Variants in HELZ observed in about 807,000 individuals in gnomAD.
The protein encoded by HELZ is helicase with zinc finger, also known as ATP-dependent RNA helicase with zinc finger domain.
HELZ carries 23 observed loss-of-function variants against 218.2 expected under a neutral mutation model. The ratio of observed to expected loss-of-function variants is 0.11; its 90% CI spans 0.08 to 0.15. The LOEUF is 0.15. HELZ is among the 10% of genes least tolerant of loss of function. The pLI, the probability that HELZ is intolerant of heterozygous loss-of-function variation, is 1.00. For missense variants in HELZ, 1,813 were observed against 2,353.7 expected, an observed-to-expected ratio of 0.77 and a Z score of 4.75; for synonymous variants, 814 against 829.4, an observed-to-expected ratio of 0.98 and a Z score of 0.32.
chr17:67,194,301 G>A (rs1879076327), intron 8 of HELZ, among the ~76,000 whole-genome samples: 1 of 152,202 alleles, frequency 6.6e-6, no homozygotes. Context: ...CTGGTGGACA[G>A]GTTTCCAGTG....
chr17:67,107,573 T>G lies in HELZ; in HGVS notation c.4837A>C (p.Arg1613=). The part of the protein sequence containing the change: ...RLLQYRQVQS[R]SPPAVPSPPS... ...GGAGATGGGACTGCTGGTGGGCTTC[T>G]ACTCTGTACTTGTCTATATTGCAAA... is the stretch of plus-strand genomic sequence containing the variant. Residue 1613 remains arginine (R), a synonymous_variant, in exon 31 of 33, where the codon AGA becomes CGA. Transcript: ENST00000358691. 1 of 1,614,200 alleles carries G rather than the reference T, an allele frequency of 6.2e-7. No individual in the cohort carries two copies. Among genetic ancestry groups the G allele is most frequent in the Non-Finnish European group, 8.5e-7 (1 of 1,180,038 alleles).
In HELZ at chr17:67,190,162, T is replaced by G; in HGVS notation, c.751A>C (p.Lys251Gln). ...EKWMNSLSPEKVLSECIEGVK... is the reference protein window; with the variant it reads ...EKWMNSLSPEQVLSECIEGVK... The stretch of plus-strand genomic sequence containing the variant: ...ATGTAGCTTATTTTCCTCACCACTT[T>G]CTCAGGAGACAATGAATTCATCCAC... Residue 251 changes from lysine (K) to glutamine (Q), a missense_variant, in exon 10 of 33, where the codon AAA becomes CAA. Transcript: ENST00000358691. The G allele has an allele frequency of 6.2e-7, 1 of 1,613,020 alleles. No individual in the cohort carries two copies. The highest frequency in any genetic ancestry group is 1.1e-5 in the South Asian group (1 of 91,044).
At chr17:67,224,455 A>G (rs1382623875) in intron 3 of HELZ, 1 of 237,366 alleles carries the variant, frequency 4.2e-6, no homozygotes. Context: ...TTTCCAGCTT[A>G]AGTCAGTTTA....
chr17:67,176,718 C>G (rs1158201585), intron 13 of HELZ: 1 of 152,204 alleles, frequency 6.6e-6, no homozygotes, highest in Admixed American at 6.5e-5. Context: ...CACCTGCAGT[C>G]TCAGCCACTC....
Position 67,145,834 on chromosome 17 carries a change from G to T in HELZ, c.2678C>A (p.Ala893Glu). 1 of 1,613,550 alleles carries T rather than the reference G, an allele frequency of 6.2e-7. No homozygotes were observed. Among genetic ancestry groups the T allele is most frequent in the Non-Finnish European group, 8.5e-7 (1 of 1,179,660 alleles). Residue 893 changes from alanine (A) to glutamate (E), a missense_variant, in exon 21 of 33, where the codon GCA becomes GAA. Transcript: ENST00000358691. ...GKLMASGKQP[A>E]HKDFYPLTFF... ...AGTTAGTGGGTAGAAATCTTTGTGT[G>T]CTGGCTGCTTCCCACTGGCCATCAG...
chr17:67,186,101 C>T (rs979482106), intron 12 of HELZ, among the ~76,000 whole-genome samples: 7 of 151,852 alleles, frequency 4.6e-5, no homozygotes. Context: ...CTTTTTAAGT[C>T]CTCTGCTTGC....
intron 32 of HELZ, among the ~76,000 whole-genome samples, chr17:67,085,805 C>A (rs1486622473): frequency 6.6e-6 from 1 of 152,264 alleles, no homozygotes; most frequent in South Asian, 2.1e-4. Context: ...TAATTAGTTT[C>A]TTTACATTCA....
At chr17:67,235,278 G>A (rs1253572168) in intron 3 of HELZ, among the ~76,000 whole-genome samples, 3 of 152,036 alleles carry the variant, frequency 2.0e-5, no homozygotes, top group African/African-American at 7.2e-5. Flanking sequence ...AGGCCAAGGC[G>A]GGTGGATCAC....
chr17:67,195,576 G>T, intron 7 of HELZ, 106 bp from the exon 8 acceptor site: 1 of 655,060 alleles, frequency 1.5e-6, no homozygotes, highest in Non-Finnish European at 2.8e-6. Context: ...GGAATACTCA[G>T]AAATTTTTAA....
intron 24 of HELZ, among the ~76,000 whole-genome samples, chr17:67,125,126 A>C (rs1001367377): frequency 4.6e-5 from 7 of 151,106 alleles, no homozygotes; most frequent in African/African-American, 1.5e-4. Context: ...GATCAGCAGT[A>C]AACACAGAAG....
At chr17:67,148,737 G>C (rs904172302) in intron 19 of HELZ, 23 bp from the exon 20 acceptor site, 1 of 1,586,542 alleles carries the variant, frequency 6.3e-7, no homozygotes, top group Non-Finnish European at 8.6e-7. Context: ...AACATACAGA[G>C]AAAGTTTAAC....
intron 5 of HELZ, among the ~76,000 whole-genome samples, chr17:67,208,770 C>CA (rs149789941): frequency 0.086 from 12,892 of 150,672 alleles, 1,456 homozygotes; most frequent in African/African-American, 0.26. Context: ...GAAAACAAAA[C>CA]AAAAAAACAG....
At chr17:67,119,890 T>G (rs530490180) in intron 27 of HELZ, 122 of 393,650 alleles carry the variant, frequency 3.1e-4, no homozygotes, top group African/African-American at 2.5e-3. Flanking sequence ...GGATTTAACC[T>G]AAAGGACCCT....
At chr17:67,153,191 T>A (rs907490044) in intron 17 of HELZ, among the ~76,000 whole-genome samples, 27 of 152,098 alleles carry the variant, frequency 1.8e-4, no homozygotes, top group African/African-American at 6.5e-4. Flanking sequence ...TTTTGTTTTG[T>A]TTTTTTAAAC....
chr17:67,174,944 G>A (rs887300619), intron 13 of HELZ, among the ~76,000 whole-genome samples: 5 of 152,218 alleles, frequency 3.3e-5, no homozygotes, highest in Non-Finnish European at 7.3e-5. Context: ...AAACTTCAAT[G>A]TGTTCAGAAC....
At chr17:67,113,000 A>G (rs1424501986) in intron 28 of HELZ, among the ~76,000 whole-genome samples, 30 of 152,246 alleles carry the variant, frequency 2.0e-4, no homozygotes, top group Admixed American at 2.0e-3. Context: ...TAAGAGCACA[A>G]TAGTTTTAGT....
At chr17:67,150,130 CTTTTTTTTTT>C (rs11408678) in intron 18 of HELZ, 145 bp from the exon 19 acceptor site, 33 of 180,100 alleles carry the variant, frequency 1.8e-4, no homozygotes, top group South Asian at 6.2e-4. Flanking sequence ...TATTTTCTTT[CTTTTTTTTTT>C]TTTTTTTTTT....
In HELZ at chr17:67,078,557, C is replaced by T; in HGVS notation, c.5524G>A (p.Asp1842Asn). ...APPKTVKPPEDQLKSENLEVS... is the reference protein window; with the variant it reads ...APPKTVKPPENQLKSENLEVS... ...TCGAGGTTCTCCGACTTCAGTTGAT[C>T]CTCAGGGGGTTTGACAGTCTTGGGT... Residue 1842 changes from aspartate (D) to asparagine (N), a missense_variant, in exon 33 of 33, where the codon GAT (aspartate) becomes AAT (asparagine). Around this residue, in one of 4 missense-constraint regions of HELZ, gnomAD observed 938 missense variants for 1,027.5 expected, o/e 0.91. Coordinates refer to ENST00000358691, the MANE Select transcript of HELZ (RefSeq NM_014877.4). 1 of 1,495,620 alleles carries T rather than the reference C, an allele frequency of 6.7e-7. No individual in the cohort carries two copies. The highest frequency in any genetic ancestry group is 8.9e-7 in the Non-Finnish European group (1 of 1,123,274). 92.6% of individuals were successfully genotyped at this position (1,495,620 alleles called of 1,614,324 possible).
chr17:67,245,539 G>T, upstream of HELZ: 1 of 983,438 alleles, frequency 1.0e-6, no homozygotes, highest in Non-Finnish European at 1.2e-6. Flanking sequence ...GCCGCCCGCG[G>T]CGCGGCGCGG....
Sources: gnomAD v4.1 joint callset for allele counts (sites outside exome capture counted in the v4.1 genomes callset) on GRCh38, gnomAD v4.1.1 for gene constraint, gnomAD v4.1.1 regional missense constraint, MANE v1.5 for transcripts, NCBI Gene and HGNC (gene_info 2026-07-23, HGNC 2026-07-21) for gene names.